GSAP: variants seen among roughly 807,000 people sequenced by gnomAD.
The protein encoded by GSAP is gamma-secretase activating protein.
GSAP carries 118 observed loss-of-function variants against 131.7 expected under a neutral mutation model. The observed-to-expected ratio is 0.90, with a 90% CI of 0.77 to 1.04. The LOEUF (loss-of-function observed/expected upper bound fraction) is 1.04. Among genes scored for constraint, GSAP ranks in the 50% least tolerant of loss-of-function variants. The pLI is 0.00. For synonymous variants in GSAP, 381 were observed against 363.4 expected (o/e 1.05, Z -0.55); for missense variants, 1,019 against 1,013.2 (o/e 1.01, Z -0.08).
chr7:77,364,825 T>C (rs1795038894), intron 12 of GSAP, among the ~76,000 whole-genome samples: 1 of 152,200 alleles, frequency 6.6e-6, no homozygotes, highest in Non-Finnish European at 1.5e-5. Flanking sequence ...CAAGTTGAAA[T>C]GGTATGTACA....
intron 6 of GSAP, among the ~76,000 whole-genome samples, chr7:77,383,177 ACT>A (rs1224430881): frequency 2.6e-5 from 4 of 152,228 alleles, no homozygotes; most frequent in Middle Eastern, 3.4e-3. Flanking sequence ...ATAGAGCAAG[ACT>A]CTGTCTAAAA....
At chr7:77,362,003 A>G (rs1188184636) in intron 13 of GSAP, among the ~76,000 whole-genome samples, 1 of 152,220 alleles carries the variant, frequency 6.6e-6, no homozygotes, top group Non-Finnish European at 1.5e-5. Context: ...GCAAATAAAC[A>G]CACTTTGGAT....
intron 26 of GSAP, 90 bp from the exon 27 acceptor site, chr7:77,314,579 T>TA: frequency 7.1e-7 from 1 of 1,406,688 alleles, no homozygotes; most frequent in Admixed American, 1.8e-5. Flanking sequence ...ATAAAGCACT[T>TA]AGTTCAGTGC....
intron 19 of GSAP, among the ~76,000 whole-genome samples, chr7:77,333,152 C>T (rs140897519): frequency 3.3e-5 from 5 of 151,952 alleles, no homozygotes; most frequent in East Asian, 1.9e-4. Context: ...GGCGACAGTG[C>T]GAGACTGTCT....
At chr7:77,381,641 C>T (rs2151036619) in intron 7 of GSAP, among the ~76,000 whole-genome samples, 1 of 152,240 alleles carries the variant, frequency 6.6e-6, no homozygotes, top group African/African-American at 2.4e-5. Flanking sequence ...CCTGGGTTCC[C>T]TCAGCAAGTA....
chr7:77,341,919 G>C (rs1790986190), intron 19 of GSAP, among the ~76,000 whole-genome samples: 1 of 152,118 alleles, frequency 6.6e-6, no homozygotes, highest in Admixed American at 6.5e-5. Flanking sequence ...AAATGCCTAA[G>C]CCACAGTGGT....
chr7:77,384,188 G>A (rs1342481653), intron 6 of GSAP, among the ~76,000 whole-genome samples: 1 of 152,198 alleles, frequency 6.6e-6, no homozygotes, highest in Non-Finnish European at 1.5e-5. Flanking sequence ...GATATCTGCT[G>A]CTATGGAAGA....
chr7:77,314,418 T>C lies in GSAP; in HGVS notation c.2161A>G (p.Ser721Gly), dbSNP rs1305834960. 5.0e-6 allele frequency: 8 copies of C among 1,613,812 alleles called. No homozygotes were observed. The highest frequency in any genetic ancestry group is 2.7e-5 in the African/African-American group (2 of 74,994). The change falls in exon 27 of 31, where the codon AGT (serine) becomes GGT (glycine). Residue 721 changes from serine (S) to glycine (G), a missense_variant. Coordinates refer to ENST00000257626, the MANE Select transcript of GSAP (RefSeq NM_017439.4). ...GTTTCAGTGAGAAGCAACACTCCAC[T>C]GTCAATGCAATGCAGCAGGTTATGC... ...PLHNLLHCID[S>G]GVLLLTETAV...
intron 24 of GSAP, among the ~76,000 whole-genome samples, chr7:77,321,800 T>C (rs894782333): frequency 6.6e-6 from 1 of 152,164 alleles, no homozygotes; most frequent in Non-Finnish European, 1.5e-5. Flanking sequence ...GAGGTCATGA[T>C]CATGAGCTGT....
At chr7:77,383,522 T>C (rs1262039703) in intron 6 of GSAP, among the ~76,000 whole-genome samples, 1 of 152,204 alleles carries the variant, frequency 6.6e-6, no homozygotes, top group Non-Finnish European at 1.5e-5. Flanking sequence ...TTTACAAGTC[T>C]GAAAGCACAG....
At chr7:77,348,279 A>G (rs965805671) in intron 19 of GSAP, among the ~76,000 whole-genome samples, 1 of 152,254 alleles carries the variant, frequency 6.6e-6, no homozygotes. Flanking sequence ...AACACCTTTT[A>G]AACTATTAAT....
At chr7:77,347,676 C>T (rs1305680970) in intron 19 of GSAP, among the ~76,000 whole-genome samples, 1 of 152,014 alleles carries the variant, frequency 6.6e-6, no homozygotes, top group South Asian at 2.1e-4. Context: ...AAAATGTTTA[C>T]AATAACATAA....
intron 1 of GSAP, among the ~76,000 whole-genome samples, chr7:77,415,028 T>A (rs887925952): frequency 6.6e-6 from 1 of 151,988 alleles, no homozygotes; most frequent in African/African-American, 2.4e-5. Flanking sequence ...CAGCTAATTT[T>A]TGTATAAAAT....
At chr7:77,348,003 T>G (rs1022936624) in intron 19 of GSAP, among the ~76,000 whole-genome samples, 7 of 134,018 alleles carry the variant, frequency 5.2e-5, no homozygotes, top group East Asian at 2.1e-4. Flanking sequence ...AAAAAAAAAA[T>G]AAGAAAAAAT....
At chr7:77,374,000 A>C in intron 12 of GSAP, 70 bp downstream of exon 12, 4 of 846,326 alleles carry the variant, frequency 4.7e-6, no homozygotes, top group Non-Finnish European at 8.1e-6. Context: ...CCATATAGCT[A>C]AACAATGAGT....
chr7:77,370,928 TTCTC>T (rs1221763633), intron 12 of GSAP, among the ~76,000 whole-genome samples: 3 of 152,272 alleles, frequency 2.0e-5, no homozygotes, highest in South Asian at 2.1e-4. Context: ...GGTTTTCCCT[TTCTC>T]TCTCTCCAGA....
intron 5 of GSAP, among the ~76,000 whole-genome samples, chr7:77,387,970 C>A (rs1184635729): frequency 6.6e-6 from 1 of 152,224 alleles, no homozygotes; most frequent in East Asian, 1.9e-4. Context: ...TAATGGATAT[C>A]ATTTTTCCCA....
chr7:77,395,390 G>A (rs942615189), intron 5 of GSAP, among the ~76,000 whole-genome samples: 1 of 152,032 alleles, frequency 6.6e-6, no homozygotes, highest in African/African-American at 2.4e-5. Context: ...CCATATCCTG[G>A]GGTTTTGCCC....
chr7:77,314,645 G>GT, intron 26 of GSAP, 156 bp from the exon 27 acceptor site: 1 of 689,438 alleles, frequency 1.5e-6, no homozygotes, highest in Non-Finnish European at 2.4e-6. Context: ...TTCCTTCTCT[G>GT]TATTATTCGT....
Sources: allele counts gnomAD v4.1 joint callset (sites outside exome capture counted in the v4.1 genomes callset), GRCh38; gene constraint gnomAD v4.1.1; transcripts MANE v1.5; gene names NCBI Gene and HGNC (gene_info 2026-07-23, HGNC 2026-07-21).